The following ME1 variants were observed in gnomAD, a reference collection of about 807,000 sequenced individuals.
ME1 encodes NADP-dependent malic enzyme.
Under a neutral mutation model 66.4 loss-of-function variants are expected in ME1, and 74 were observed. The observed-to-expected ratio is 1.11, with a 90% CI of 0.92 to 1.35. ME1 has a LOEUF of 1.35. Ranked by LOEUF, ME1 falls within the 40% of genes most tolerant of loss-of-function variation. The pLI is 0.00. For synonymous variants in ME1, 251 were observed against 235.6 expected (o/e 1.07, Z -0.60); for missense variants, 750 against 694.1 (o/e 1.08, Z -0.90).
At chr6:83,286,637 C>T (rs1010206867) in intron 6 of ME1, among the ~76,000 whole-genome samples, 1 of 152,000 alleles carries the variant, frequency 6.6e-6, no homozygotes, top group South Asian at 2.1e-4. Context: ...TATGAGTGCT[C>T]AGCAGTATAT....
At chr6:83,216,652 G>T in intron 12 of ME1, 56 bp from the exon 13 acceptor site, 1 of 1,172,806 alleles carries the variant, frequency 8.5e-7, no homozygotes. Flanking sequence ...ACAATGTGGT[G>T]GGTACGCCAA....
chr6:83,229,098 C>T (rs1790252188), intron 9 of ME1, 167 bp from the exon 10 acceptor site: 24 of 615,460 alleles, frequency 3.9e-5, no homozygotes, highest in South Asian at 2.8e-4. Flanking sequence ...TTCATTCATT[C>T]GTTTAACAAA....
chr6:83,317,204 C>A (rs1768052698), intron 5 of ME1, among the ~76,000 whole-genome samples: 1 of 152,124 alleles, frequency 6.6e-6, no homozygotes, highest in Non-Finnish European at 1.5e-5. Flanking sequence ...ATAAGGTCTT[C>A]AAACATGAAA....
intron 5 of ME1, among the ~76,000 whole-genome samples, chr6:83,316,502 A>C (rs567386543): frequency 1.3e-5 from 2 of 152,292 alleles, no homozygotes; most frequent in East Asian, 3.9e-4. Context: ...CTCTTCACTT[A>C]CGATAGGGAA....
intron 5 of ME1, among the ~76,000 whole-genome samples, chr6:83,344,462 A>G (rs1486303341): frequency 6.6e-6 from 1 of 152,186 alleles, no homozygotes; most frequent in East Asian, 1.9e-4. Context: ...ATGTAACTGT[A>G]GTCCCAGCTA....
At chr6:83,236,884 T>A in intron 9 of ME1, among the ~76,000 whole-genome samples, 1 of 152,086 alleles carries the variant, frequency 6.6e-6, no homozygotes, top group East Asian at 1.9e-4. Context: ...TTCATCTGTA[T>A]CAATATCAAA....
chr6:83,310,815 C>A (rs1767916126), intron 6 of ME1, among the ~76,000 whole-genome samples: 1 of 152,092 alleles, frequency 6.6e-6, no homozygotes, highest in Non-Finnish European at 1.5e-5. Flanking sequence ...TTTGTAGATA[C>A]AAAGATGTTC....
At chr6:83,247,342 A>T (rs1790642719) in intron 7 of ME1, among the ~76,000 whole-genome samples, 1 of 152,042 alleles carries the variant, frequency 6.6e-6, no homozygotes, top group African/African-American at 2.4e-5. Context: ...TTCTTAATAG[A>T]TTCAATTTAT....
In ME1 at chr6:83,430,890, G is replaced by A. The variant is rs773177862; in HGVS notation, c.65C>T (p.Pro22Leu). The change falls in exon 1 of 14, where the codon CCT (proline) becomes CTT (leucine). Residue 22 changes from proline to leucine, a missense_variant. Physicochemically the swap from Pro to Leu is moderately conservative, Grantham distance 98. Coordinates refer to ENST00000369705, the MANE Select transcript of ME1 (RefSeq NM_002395.6). ...CTGCGGGTTTACCTTGTTGAGGTGAGGGTTCCGTGTCAGCAGGTAGCCGCG... is the reference window on the plus strand; with the variant it reads ...CTGCGGGTTTACCTTGTTGAGGTGAAGGTTCCGTGTCAGCAGGTAGCCGCG... ...HQRGYLLTRN[P>L]HLNKDLAFTL... 3 of 1,602,698 alleles carry A rather than the reference G, an allele frequency of 1.9e-6. No homozygotes were observed. The South Asian group carries it at 3.3e-5, about 18-fold the overall frequency.
intron 5 of ME1, among the ~76,000 whole-genome samples, chr6:83,324,263 T>C (rs974415816): frequency 6.6e-6 from 1 of 150,966 alleles, no homozygotes; most frequent in African/African-American, 2.4e-5. Context: ...CACCCTAACA[T>C]CACAATTAAA....
At chr6:83,383,571 T>C (rs1769448316) in intron 3 of ME1, among the ~76,000 whole-genome samples, 1 of 151,900 alleles carries the variant, frequency 6.6e-6, no homozygotes, top group African/African-American at 2.4e-5. Flanking sequence ...ATCAGGCAGA[T>C]GGCATTTATT....
chr6:83,232,166 C>T (rs1399515885), intron 9 of ME1, among the ~76,000 whole-genome samples: 3 of 152,196 alleles, frequency 2.0e-5, no homozygotes, highest in African/African-American at 7.2e-5. Flanking sequence ...AACTCTTCCA[C>T]AAGCCCCAGT....
chr6:83,352,478 G>A (rs536219398), intron 3 of ME1, among the ~76,000 whole-genome samples: 4 of 152,136 alleles, frequency 2.6e-5, no homozygotes, highest in Non-Finnish European at 4.4e-5. Context: ...AATCTGTCAT[G>A]ATATAATATA....
chr6:83,244,249 C>A (rs985723741), intron 7 of ME1, among the ~76,000 whole-genome samples: 1 of 152,008 alleles, frequency 6.6e-6, no homozygotes, highest in African/African-American at 2.4e-5. Context: ...GGAAATGGCC[C>A]AACCAAGTCA....
At chr6:83,426,429 T>C (rs1389569984) in intron 1 of ME1, among the ~76,000 whole-genome samples, 1 of 152,238 alleles carries the variant, frequency 6.6e-6, no homozygotes, top group Non-Finnish European at 1.5e-5. Flanking sequence ...CAGAGGTACC[T>C]GGCTGTATAT....
chr6:83,399,285 C>T (rs138481279), intron 2 of ME1, among the ~76,000 whole-genome samples: 196 of 152,014 alleles, frequency 1.3e-3, no homozygotes, highest in African/African-American at 4.4e-3. Context: ...CATGAGCCAC[C>T]GCACCCAGAC....
chr6:83,308,310 A>G (rs1459169827), intron 6 of ME1, among the ~76,000 whole-genome samples: 2 of 151,368 alleles, frequency 1.3e-5, no homozygotes, highest in Non-Finnish European at 2.9e-5. Flanking sequence ...TTAGCTATTT[A>G]TTCCATTTAA....
intron 7 of ME1, 33 bp from the exon 8 acceptor site, chr6:83,239,669 C>T: frequency 2.1e-6 from 3 of 1,450,752 alleles, no homozygotes; most frequent in South Asian, 1.1e-5. Flanking sequence ...TTGAGTAATC[C>T]TCAAACAGAT....
chr6:83,390,541 A>AT (rs1195320907), intron 3 of ME1, among the ~76,000 whole-genome samples: 2 of 152,096 alleles, frequency 1.3e-5, no homozygotes, highest in Non-Finnish European at 2.9e-5. Flanking sequence ...TTCAAACAGG[A>AT]TTTTTTTATA....
Sources: gnomAD v4.1 joint callset for allele counts (sites outside exome capture counted in the v4.1 genomes callset) on GRCh38, gnomAD v4.1.1 for gene constraint, MANE v1.5 for transcripts, NCBI Gene and HGNC (gene_info 2026-07-23, HGNC 2026-07-21) for gene names.